Variants in IKZF2 observed in about 807,000 individuals in gnomAD.
IKZF2 encodes IKAROS family zinc finger 2.
Under a neutral mutation model 49.2 loss-of-function variants are expected in IKZF2, and 15 were observed. The observed-to-expected ratio is 0.30, with a 90% CI of 0.20 to 0.47. IKZF2 has a LOEUF of 0.47. Among genes scored for constraint, IKZF2 ranks in the 20% least tolerant of loss-of-function variants. The probability of loss-of-function intolerance (pLI) is 1.00; values close to 1 mark genes in which losing one functional copy is unlikely to be tolerated. For synonymous variants in IKZF2, 227 were observed against 221.4 expected (o/e 1.03, Z -0.23); for missense variants, 567 against 664.6 (o/e 0.85, Z 1.61).
In IKZF2 at chr2:213,049,696, G is replaced by T. The variant is rs761879669; in HGVS notation, c.574+17C>A. The T allele has an allele frequency of 6.6e-7, 1 of 1,518,752 alleles. No homozygotes were observed. Among genetic ancestry groups the T allele is most frequent in the East Asian group, 2.3e-5 (1 of 43,006 alleles). The allele number at this position is 1,518,752 out of a possible 1,614,324, so 94.1% of individuals were successfully genotyped here. ...TTCCTGTTTTACTTTTCTTCTCAAGGAGTTGGTGACACTTACCAGAATGGG... is the reference window on the plus strand; with the variant it reads ...TTCCTGTTTTACTTTTCTTCTCAAGTAGTTGGTGACACTTACCAGAATGGG... On this transcript the variant is annotated intron_variant, in intron 6 of 8. Transcript: ENST00000434687.
intron 8 of IKZF2, among the ~76,000 whole-genome samples, chr2:213,011,839 G>T (rs1695993928): frequency 6.6e-6 from 1 of 152,000 alleles, no homozygotes; most frequent in Non-Finnish European, 1.5e-5. Flanking sequence ...ATATAAGTAT[G>T]GAAAGGATGC....
At chr2:213,067,795 T>C (rs946407273) in intron 4 of IKZF2, among the ~76,000 whole-genome samples, 3 of 152,042 alleles carry the variant, frequency 2.0e-5, no homozygotes, top group Non-Finnish European at 4.4e-5. Context: ...TAAGCAACTA[T>C]GCACTGTAAA....
chr2:213,074,245 C>T (rs765807231), intron 4 of IKZF2, among the ~76,000 whole-genome samples: 33 of 152,240 alleles, frequency 2.2e-4, no homozygotes, highest in Non-Finnish European at 3.8e-4. Context: ...GGAATGTGCT[C>T]TGAGAAATGT....
At chr2:213,050,058 G>C (rs1277770463) in intron 5 of IKZF2, among the ~76,000 whole-genome samples, 178 bp from the exon 6 acceptor site, 1 of 152,096 alleles carries the variant, frequency 6.6e-6, no homozygotes, top group Non-Finnish European at 1.5e-5. Flanking sequence ...AAAGTCTTAA[G>C]TTTTACATCA....
chr2:213,063,762 G>C (rs545697526), intron 4 of IKZF2, among the ~76,000 whole-genome samples: 1 of 151,952 alleles, frequency 6.6e-6, no homozygotes, highest in Non-Finnish European at 1.5e-5. Flanking sequence ...CTTTTGACTC[G>C]TAGCCTATCC....
At position 213,146,763 on chromosome 2, in the gene IKZF2, G is replaced by GGT. The variant is rs1553604935; in HGVS notation, c.139+944_139+945insAC. ...TTTTCTTAGTTATTAAATCTTCGGG[G>GGT]GGGGGGAAGGAAAGAGAATGCCTTT... On this transcript the variant is annotated intron_variant, in intron 4 of 8. Transcript: ENST00000434687. Among the ~76,000 whole-genome samples the GGT allele has an allele frequency of 1.5e-5, 2 of 133,280 alleles. 1 individual carries two copies. The highest frequency in any genetic ancestry group is 5.4e-5 in the African/African-American group (2 of 37,024). The allele number at this position is 133,280 out of a possible 152,430, so 87.4% of individuals were successfully genotyped here.
chr2:213,145,323 A>G (rs1306216743), intron 4 of IKZF2, among the ~76,000 whole-genome samples: 2 of 151,980 alleles, frequency 1.3e-5, no homozygotes, highest in Non-Finnish European at 2.9e-5. Context: ...AACACTTTCA[A>G]TCAAAATTGC....
intron 4 of IKZF2, among the ~76,000 whole-genome samples, chr2:213,067,526 C>A (rs764898393): frequency 5.3e-5 from 8 of 152,078 alleles, no homozygotes; most frequent in Non-Finnish European, 8.8e-5. Flanking sequence ...CCTAAAACCA[C>A]AGAGCATTTA....
intron 7 of IKZF2, among the ~76,000 whole-genome samples, chr2:213,018,532 GC>G (rs1318155710): frequency 6.6e-6 from 1 of 151,842 alleles, no homozygotes; most frequent in Non-Finnish European, 1.5e-5. Context: ...CATACCCCCT[GC>G]CCCAGGTAGG....
upstream of IKZF2, chr2:213,151,656 C>G (rs1156468665): frequency 1.3e-5 from 2 of 151,372 alleles, no homozygotes; most frequent in Middle Eastern, 3.4e-3. Context: ...CCGGTGGAGC[C>G]CGAGCACATC....
Position 213,124,284 on chromosome 2 carries a change from A to AC in IKZF2, c.139+23423dup, listed in dbSNP as rs1335190724. Among the ~76,000 whole-genome samples, 259 of 146,826 alleles carry AC rather than the reference A, an allele frequency of 1.8e-3. 1 individual carries two copies. The highest frequency in any genetic ancestry group is 6.9e-3 in the Middle Eastern group (2 of 288). ...CACACACACACACACACACACACAC[A>AC]CACACACACACACAGCCACACAAAA... is the stretch of plus-strand genomic sequence containing the variant. On this transcript the variant is annotated intron_variant, in intron 4 of 8. Transcript: ENST00000434687.
At position 213,072,353 on chromosome 2, in the gene IKZF2, T is replaced by C. The variant is rs189087126; in HGVS notation, c.140-15254A>G. On this transcript the variant is annotated intron_variant, in intron 4 of 8. Coordinates refer to ENST00000434687, the MANE Select transcript of IKZF2 (RefSeq NM_001387220.1). ...TCCCTAAATGTTACTAGTCAGCTAATTCTTTTCTTTAAAAACTCATTTTGT... is the reference window on the plus strand; with the variant it reads ...TCCCTAAATGTTACTAGTCAGCTAACTCTTTTCTTTAAAAACTCATTTTGT... Among the ~76,000 whole-genome samples, 4 of 151,836 alleles carry C rather than the reference T, an allele frequency of 2.6e-5. No individual in the cohort carries two copies. In the South Asian group the frequency reaches 6.2e-4, roughly 24 times the overall value.
chr2:213,109,532 T>G (rs1273306748), intron 4 of IKZF2, among the ~76,000 whole-genome samples: 1 of 151,950 alleles, frequency 6.6e-6, no homozygotes, highest in East Asian at 1.9e-4. Flanking sequence ...TTCTGAAAGG[T>G]TAAGTAATTC....
At chr2:213,047,677 T>A (rs548734797) in intron 6 of IKZF2, among the ~76,000 whole-genome samples, 17 of 152,270 alleles carry the variant, frequency 1.1e-4, no homozygotes, top group African/African-American at 3.6e-4. Flanking sequence ...GGGACTGGCT[T>A]ATAATTTTTC....
chr2:213,078,292 T>C (rs1703508071), intron 4 of IKZF2, among the ~76,000 whole-genome samples: 2 of 152,264 alleles, frequency 1.3e-5, no homozygotes, highest in South Asian at 4.1e-4. Flanking sequence ...AAGGTTTTTC[T>C]TCCCTTTTCT....
At chr2:213,090,745 T>G (rs1347051167) in intron 4 of IKZF2, among the ~76,000 whole-genome samples, 1 of 152,094 alleles carries the variant, frequency 6.6e-6, no homozygotes, top group African/African-American at 2.4e-5. Flanking sequence ...AAGGCAAAGA[T>G]GAGGGTGATG....
At chr2:213,115,605 A>G (rs2059845347) in intron 4 of IKZF2, among the ~76,000 whole-genome samples, 1 of 152,202 alleles carries the variant, frequency 6.6e-6, no homozygotes, top group Non-Finnish European at 1.5e-5. Flanking sequence ...ACACCCTGAA[A>G]CCAGTCCATA....
At chr2:213,136,491 G>T (rs1275717818) in intron 4 of IKZF2, among the ~76,000 whole-genome samples, 2 of 151,170 alleles carry the variant, frequency 1.3e-5, no homozygotes, top group Non-Finnish European at 2.9e-5. Context: ...TAAATCTGAA[G>T]ATATCATTTG....
Position 213,003,216 on chromosome 2 carries a change from A to G in IKZF2, c.*4144T>C, listed in dbSNP as rs1185694410. On this transcript the variant is annotated 3_prime_UTR_variant, in exon 9 of 9. Coordinates refer to ENST00000434687, the MANE Select transcript of IKZF2 (RefSeq NM_001387220.1). ...TTAAAAAGGCACCAATATAAAGAAC[A>G]TAAGTATTTAATACATTAAATTCAG... 2 of 152,190 alleles carry G rather than the reference A, an allele frequency of 1.3e-5. No individual in the cohort carries two copies. The highest frequency in any genetic ancestry group is 6.6e-5 in the Admixed American group (1 of 15,206). 9.4% of individuals were successfully genotyped at this position (152,190 alleles called of 1,614,324 possible).
Sources: gnomAD v4.1 joint callset for allele counts (sites outside exome capture counted in the v4.1 genomes callset) on GRCh38, gnomAD v4.1.1 for gene constraint, MANE v1.5 for transcripts, NCBI Gene and HGNC (gene_info 2026-07-23, HGNC 2026-07-21) for gene names.